Variants in KCNAB1 observed in about 807,000 individuals in gnomAD.
KCNAB1 encodes potassium voltage-gated channel subfamily A regulatory beta subunit 1.
Under a neutral mutation model 64.6 loss-of-function variants are expected in KCNAB1, and 35 were observed. The ratio of observed to expected loss-of-function variants is 0.54; its 90% CI spans 0.41 to 0.72. The LOEUF is 0.72. Among genes scored for constraint, KCNAB1 ranks in the 30% least tolerant of loss-of-function variants. The pLI is 0.00. For missense variants in KCNAB1, 401 were observed against 512.9 expected (o/e 0.78, Z 2.11); for synonymous variants, 177 against 183.8 (o/e 0.96, Z 0.30).
chr3:156,462,805 G>A (rs74625547), intron 5 of KCNAB1, among the ~76,000 whole-genome samples: 3,918 of 152,194 alleles, frequency 0.026, 89 homozygotes, highest in Non-Finnish European at 0.038. Context: ...AGACCAGTGC[G>A]ATCAAATTAC....
At chr3:156,293,819 G>A (rs115306103) in intron 1 of KCNAB1, among the ~76,000 whole-genome samples, 323 of 152,284 alleles carry the variant, frequency 2.1e-3, no homozygotes, top group African/African-American at 7.0e-3. Flanking sequence ...TGGCACACAC[G>A]CAGCCCCTGC....
intron 1 of KCNAB1, among the ~76,000 whole-genome samples, chr3:156,313,712 C>G (rs1438966627): frequency 6.6e-6 from 1 of 152,220 alleles, no homozygotes; most frequent in Non-Finnish European, 1.5e-5. Flanking sequence ...AGGGATTCTG[C>G]TCTCCACAAC....
intron 1 of KCNAB1, chr3:156,290,951 T>C: frequency 1.0e-6 from 1 of 984,636 alleles, no homozygotes; most frequent in Non-Finnish European, 1.2e-6. Flanking sequence ...TTTCAAGCTG[T>C]GTTTCAGCAA....
intron 1 of KCNAB1, among the ~76,000 whole-genome samples, chr3:156,179,424 CCCCACCCCCT>C (rs945570692): frequency 6.0e-5 from 7 of 115,744 alleles, no homozygotes; most frequent in East Asian, 3.5e-4. Flanking sequence ...GAACCCCCCC[CCCCACCCCCT>C]CACCCCCTGC....
intron 2 of KCNAB1, among the ~76,000 whole-genome samples, chr3:156,448,194 T>G (rs1711728816): frequency 6.6e-6 from 1 of 152,242 alleles, no homozygotes; most frequent in Non-Finnish European, 1.5e-5. Context: ...TCCCTTCTTT[T>G]AAAAGGTTAG....
intron 1 of KCNAB1, chr3:156,291,131 G>A: frequency 1.0e-6 from 1 of 985,528 alleles, no homozygotes; most frequent in Non-Finnish European, 1.2e-6. Context: ...GCAAGAGCCT[G>A]GTGCAAGTGA....
chr3:156,243,374 G>A (rs185874909), intron 1 of KCNAB1, among the ~76,000 whole-genome samples: 82 of 152,086 alleles, frequency 5.4e-4, no homozygotes, highest in African/African-American at 7.7e-4. Context: ...ACAGGCCTGC[G>A]CCACCATGCC....
At chr3:156,194,950 A>G (rs1428432868) in intron 1 of KCNAB1, among the ~76,000 whole-genome samples, 1 of 150,142 alleles carries the variant, frequency 6.7e-6, no homozygotes, top group Non-Finnish European at 1.5e-5. Context: ...CCCCACCCCC[A>G]ACAGGCCCGG....
chr3:156,128,186 G>T (rs918783395), intron 1 of KCNAB1, among the ~76,000 whole-genome samples: 1 of 152,176 alleles, frequency 6.6e-6, no homozygotes, highest in South Asian at 2.1e-4. Flanking sequence ...GGTTTTTAAA[G>T]TTCTCCAGAA....
At chr3:156,375,099 A>G (rs1711558259) in intron 1 of KCNAB1, among the ~76,000 whole-genome samples, 1 of 136,008 alleles carries the variant, frequency 7.4e-6, no homozygotes, top group Non-Finnish European at 1.5e-5. Context: ...TGATAAAATA[A>G]CAATGCCTTG....
At chr3:156,319,045 TAATA>T (rs1366374166) in intron 1 of KCNAB1, among the ~76,000 whole-genome samples, 1 of 152,214 alleles carries the variant, frequency 6.6e-6, no homozygotes, top group Non-Finnish European at 1.5e-5. Flanking sequence ...AGCAAAAGAT[TAATA>T]AATAAAGTTA....
At chr3:156,146,470 A>G (rs949303997) in intron 1 of KCNAB1, among the ~76,000 whole-genome samples, 1 of 152,236 alleles carries the variant, frequency 6.6e-6, no homozygotes, top group African/African-American at 2.4e-5. Flanking sequence ...AACACCAAAA[A>G]TATCTAGACT....
intron 1 of KCNAB1, among the ~76,000 whole-genome samples, chr3:156,216,152 T>A (rs1254707078): frequency 6.6e-6 from 1 of 152,184 alleles, no homozygotes; most frequent in Non-Finnish European, 1.5e-5. Flanking sequence ...AGGCAATACG[T>A]TAATGAAATA....
intron 1 of KCNAB1, among the ~76,000 whole-genome samples, chr3:156,343,541 C>G (rs1399760013): frequency 6.6e-6 from 1 of 152,208 alleles, no homozygotes; most frequent in Non-Finnish European, 1.5e-5. Context: ...GAGTCAGGGC[C>G]TTTTCAGCCT....
intron 1 of KCNAB1, among the ~76,000 whole-genome samples, chr3:156,207,467 A>G (rs533035229): frequency 2.0e-5 from 3 of 152,096 alleles, no homozygotes; most frequent in Non-Finnish European, 4.4e-5. Flanking sequence ...CAACCCTTAC[A>G]ATTCTTCTAC....
At chr3:156,396,999 C>T (rs1041052349) in intron 1 of KCNAB1, among the ~76,000 whole-genome samples, 4 of 152,256 alleles carry the variant, frequency 2.6e-5, no homozygotes, top group African/African-American at 4.8e-5. Context: ...CTGGTATTTA[C>T]GATTGATGTG....
chr3:156,164,469 G>C (rs143748331), intron 1 of KCNAB1, among the ~76,000 whole-genome samples: 1 of 152,096 alleles, frequency 6.6e-6, no homozygotes, highest in Non-Finnish European at 1.5e-5. Context: ...TCTTTCACTA[G>C]ACTTGAAGCT....
chr3:156,453,057 G>T, intron 3 of KCNAB1, 121 bp downstream of exon 3: 2 of 580,684 alleles, frequency 3.4e-6, no homozygotes, highest in Non-Finnish European at 3.0e-6. Context: ...CACAGGAAAT[G>T]GTAAAATTGA....
chr3:156,342,111 C>G (rs1724157682), intron 1 of KCNAB1, among the ~76,000 whole-genome samples: 1 of 152,154 alleles, frequency 6.6e-6, no homozygotes, highest in African/African-American at 2.4e-5. Flanking sequence ...TGCCTGATGC[C>G]TTCAATAATA....
Sources: allele counts gnomAD v4.1 joint callset (sites outside exome capture counted in the v4.1 genomes callset), GRCh38; gene constraint gnomAD v4.1.1; transcripts MANE v1.5; gene names NCBI Gene and HGNC (gene_info 2026-07-23, HGNC 2026-07-21).